The following FOXO3 variants were observed in gnomAD, a reference collection of about 807,000 sequenced individuals.
The protein encoded by FOXO3 is forkhead box O3, also known as forkhead box protein O3.
In FOXO3, 4 loss-of-function variants were observed where a neutral mutation model predicts 41.9. That is an observed-to-expected ratio of 0.10 (90% CI 0.05 to 0.22). FOXO3 has a LOEUF of 0.22. Among genes scored for constraint, FOXO3 ranks in the 10% least tolerant of loss-of-function variants. The probability of loss-of-function intolerance (pLI) is 1.00; values close to 1 mark genes in which losing one functional copy is unlikely to be tolerated. For synonymous variants in FOXO3, 318 were observed against 389.3 expected (o/e 0.82, Z 2.16); for missense variants, 534 against 906.8 (o/e 0.59, Z 5.28).
chr6:108,624,497 C>G (rs963297227), intron 1 of FOXO3, among the ~76,000 whole-genome samples: 1 of 152,070 alleles, frequency 6.6e-6, no homozygotes, highest in African/African-American at 2.4e-5. Context: ...ATGGGCCCAG[C>G]TGGAATGGGT....
intron 1 of FOXO3, among the ~76,000 whole-genome samples, chr6:108,617,319 G>C (rs191176653): frequency 2.0e-4 from 30 of 151,960 alleles, no homozygotes; most frequent in Middle Eastern, 3.4e-3. Context: ...CATTTTTATG[G>C]GTCATATTTT....
At chr6:108,626,405 A>G (rs1777815293) in intron 1 of FOXO3, among the ~76,000 whole-genome samples, 1 of 152,060 alleles carries the variant, frequency 6.6e-6, no homozygotes, top group East Asian at 1.9e-4. Context: ...ATCTGTCACT[A>G]CCTTGAGGCA....
rs755545233 is a variant in FOXO3 at position 108,663,991 on chromosome 6, C to T, written c.1158C>T (p.Leu386=). ...MNLNDGLTEN[L]MDDLLDNITL... ...TGAATGATGGGCTGACTGAAAACCTCATGGACGACCTGCTGGATAACATCA... is the reference window on the plus strand; with the variant it reads ...TGAATGATGGGCTGACTGAAAACCTTATGGACGACCTGCTGGATAACATCA... Residue 386 remains leucine (L), a synonymous_variant, in exon 2 of 3, where the codon CTC becomes CTT. Coordinates refer to ENST00000406360, the MANE Select transcript of FOXO3 (RefSeq NM_001455.4). The T allele has an allele frequency of 6.2e-7, 1 of 1,614,186 alleles. No individual in the cohort carries two copies. Among genetic ancestry groups the T allele is most frequent in the South Asian group, 1.1e-5 (1 of 91,084 alleles).
At chr6:108,653,990 T>G (rs1428568188) in intron 1 of FOXO3, among the ~76,000 whole-genome samples, 1 of 152,184 alleles carries the variant, frequency 6.6e-6, no homozygotes, top group African/African-American at 2.4e-5. Context: ...CAGGAGAAGC[T>G]TGGAGAAAGA....
chr6:108,582,688 AT>A (rs775268588), intron 1 of FOXO3, among the ~76,000 whole-genome samples: 2 of 150,916 alleles, frequency 1.3e-5, no homozygotes, highest in Non-Finnish European at 3.0e-5. Flanking sequence ...GACTTTGAGT[AT>A]TTTTTCTCTT....
chr6:108,572,799 G>T lies in FOXO3; in HGVS notation c.621+10970G>T, dbSNP rs1301721230. Among the ~76,000 whole-genome samples the T allele has an allele frequency of 5.3e-5, 8 of 152,094 alleles. 1 individual carries two copies. Among genetic ancestry groups the T allele is most frequent in the African/African-American group, 1.9e-4 (8 of 41,404 alleles). On this transcript the variant is annotated intron_variant, in intron 1 of 2. Transcript: ENST00000406360. ...CCCGTTACTCAACTAGGTTTTTTAT[G>T]TCTAATATTGATTCTATAAGATAGG...
intron 1 of FOXO3, among the ~76,000 whole-genome samples, chr6:108,636,273 C>CACTTGTGCAGTATGCACAAACTA (rs1778118033): frequency 6.6e-6 from 1 of 152,184 alleles, no homozygotes; most frequent in South Asian, 2.1e-4. Context: ...GTGCAGTATG[C>CACTTGTGCAGTATGCACAAACTA]ACACATCAAG....
intron 1 of FOXO3, among the ~76,000 whole-genome samples, chr6:108,584,062 G>T (rs140195364): frequency 6.6e-6 from 1 of 152,138 alleles, no homozygotes; most frequent in African/African-American, 2.4e-5. Flanking sequence ...ATATGGGGGC[G>T]TGCTTCATAG....
chr6:108,658,214 A>G (rs1375156047), intron 1 of FOXO3, among the ~76,000 whole-genome samples: 1 of 152,152 alleles, frequency 6.6e-6, no homozygotes, highest in Non-Finnish European at 1.5e-5. Flanking sequence ...CAGATGAGCC[A>G]TATTTGTTGG....
intron 1 of FOXO3, among the ~76,000 whole-genome samples, chr6:108,563,282 G>T (rs1156988944): frequency 6.6e-6 from 1 of 152,174 alleles, no homozygotes; most frequent in African/African-American, 2.4e-5. Context: ...AGCAAAACAC[G>T]TGTGCTTTGA....
chr6:108,570,381 A>G (rs1776065657), intron 1 of FOXO3, among the ~76,000 whole-genome samples: 1 of 152,244 alleles, frequency 6.6e-6, no homozygotes, highest in Admixed American at 6.5e-5. Context: ...TGGCACAATC[A>G]TAGCTCTCCA....
intron 1 of FOXO3, among the ~76,000 whole-genome samples, chr6:108,619,757 CT>C (rs921132480): frequency 6.6e-6 from 1 of 152,176 alleles, no homozygotes; most frequent in Non-Finnish European, 1.5e-5. Flanking sequence ...GCTAATACCC[CT>C]GATTAAGAAT....
At chr6:108,622,113 G>T (rs533867838) in intron 1 of FOXO3, among the ~76,000 whole-genome samples, 51 of 152,206 alleles carry the variant, frequency 3.4e-4, no homozygotes, top group African/African-American at 1.0e-3. Flanking sequence ...AAAAAAATTA[G>T]CTGGGTGTGG....
intron 1 of FOXO3, among the ~76,000 whole-genome samples, chr6:108,578,112 A>T (rs1276295168): frequency 6.6e-6 from 1 of 152,160 alleles, no homozygotes; most frequent in African/African-American, 2.4e-5. Context: ...CCATATCCTG[A>T]TGTTTGAAGG....
At chr6:108,563,232 A>G (rs1775864287) in intron 1 of FOXO3, among the ~76,000 whole-genome samples, 1 of 152,238 alleles carries the variant, frequency 6.6e-6, no homozygotes, top group Admixed American at 6.5e-5. Context: ...AAAGTTAAAT[A>G]CGGCTTATAT....
chr6:108,578,190 A>G (rs1304483025), intron 1 of FOXO3, among the ~76,000 whole-genome samples: 1 of 152,224 alleles, frequency 6.6e-6, no homozygotes, highest in Non-Finnish European at 1.5e-5. Context: ...AACATCACGT[A>G]GGAACATCAC....
At chr6:108,656,303 C>A (rs1778686192) in intron 1 of FOXO3, 33 of 944,762 alleles carry the variant, frequency 3.5e-5, no homozygotes, top group Non-Finnish European at 4.0e-5. Flanking sequence ...AGACAAAAAC[C>A]TCTCTGTGTT....
intron 1 of FOXO3, among the ~76,000 whole-genome samples, chr6:108,630,721 C>G (rs146155935): frequency 5.3e-5 from 8 of 152,208 alleles, no homozygotes; most frequent in Non-Finnish European, 1.0e-4. Flanking sequence ...TACCACTTCT[C>G]TCTATAACTA....
intron 1 of FOXO3, among the ~76,000 whole-genome samples, chr6:108,641,830 CT>C (rs1187772714): frequency 1.3e-5 from 2 of 152,062 alleles, no homozygotes; most frequent in Admixed American, 1.3e-4. Flanking sequence ...GTTAAAATCT[CT>C]TGTATTTTGC....
Sources: gnomAD v4.1 joint callset for allele counts (sites outside exome capture counted in the v4.1 genomes callset) on GRCh38, gnomAD v4.1.1 for gene constraint, MANE v1.5 for transcripts, NCBI Gene and HGNC (gene_info 2026-07-23, HGNC 2026-07-21) for gene names.